PXYLP1: variants seen among roughly 807,000 people sequenced by gnomAD.
PXYLP1 encodes the protein acid phosphatase-like 2.
PXYLP1 carries 17 observed loss-of-function variants against 37.9 expected under a neutral mutation model. That is an observed-to-expected ratio of 0.45 (90% CI 0.31 to 0.67). The LOEUF (loss-of-function observed/expected upper bound fraction) is 0.67. Ranked by LOEUF, PXYLP1 falls within the 30% of genes least tolerant of loss-of-function variation. PXYLP1 has a pLI of 0.07. For synonymous variants in PXYLP1, 221 were observed against 232.2 expected (o/e 0.95, Z 0.44); for missense variants, 511 against 612.0 (o/e 0.84, Z 1.74).
intron 2 of PXYLP1, among the ~76,000 whole-genome samples, chr3:141,267,038 C>T (rs184922464): frequency 1.2e-3 from 190 of 152,128 alleles, no homozygotes; most frequent in Non-Finnish European, 2.0e-3. Context: ...TTTGTGGTTT[C>T]GACTCTTTGC....
chr3:141,293,450 TC>T lies in PXYLP1; in HGVS notation c.*246del, dbSNP rs1344050360. 16 of 510,646 alleles carry T rather than the reference TC, an allele frequency of 3.1e-5. No individual in the cohort carries two copies. Among genetic ancestry groups the T allele is most frequent in the Non-Finnish European group, 4.5e-5 (13 of 290,104 alleles). 31.6% of individuals were successfully genotyped at this position (510,646 alleles called of 1,614,324 possible). ...GAAGGTACTTTATCATAGCCAGACT[TC>T]GCTTAGAATGCCAGAATAATATAGT... On this transcript the variant is annotated 3_prime_UTR_variant, in exon 6 of 6. Coordinates refer to ENST00000286353, the MANE Select transcript of PXYLP1 (RefSeq NM_001037172.3).
intron 2 of PXYLP1, chr3:141,274,561 A>G (rs1323707231): frequency 2.8e-6 from 3 of 1,065,612 alleles, no homozygotes; most frequent in Non-Finnish European, 1.4e-6. Flanking sequence ...AGTGCTCCAC[A>G]TGAGGAGTCA....
At chr3:141,261,290 A>G (rs1941390572) in intron 2 of PXYLP1, among the ~76,000 whole-genome samples, 1 of 152,170 alleles carries the variant, frequency 6.6e-6, no homozygotes, top group Admixed American at 6.5e-5. Context: ...GATAGCTAGG[A>G]CTGGAGGCGT....
At chr3:141,245,283 T>G (rs1323776672) in intron 1 of PXYLP1, among the ~76,000 whole-genome samples, 1 of 152,052 alleles carries the variant, frequency 6.6e-6, no homozygotes, top group Non-Finnish European at 1.5e-5. Flanking sequence ...GCCAGGCTGG[T>G]CTCGAACTCC....
chr3:141,245,589 T>C lies in PXYLP1; in HGVS notation c.-54+13678T>C, dbSNP rs140347716. ...ATTGCAGATCACCTGGAGTGTTTTT[T>C]ATTTTAGTTTATTTGTGTCTTTGAT... On this transcript the variant is annotated intron_variant, in intron 1 of 5. Transcript: ENST00000286353. Among the ~76,000 whole-genome samples, 349 of 152,340 alleles carry C rather than the reference T, an allele frequency of 2.3e-3. 2 individuals carry two copies. The highest frequency in any genetic ancestry group is 8.0e-3 in the African/African-American group (333 of 41,576).
At chr3:141,263,242 A>G (rs1351905464) in intron 2 of PXYLP1, among the ~76,000 whole-genome samples, 1 of 152,198 alleles carries the variant, frequency 6.6e-6, no homozygotes, top group Non-Finnish European at 1.5e-5. Flanking sequence ...TACACTGTGG[A>G]AGTGGAGGTA....
Position 141,293,266 on chromosome 3 carries a change from T to C in PXYLP1, c.*61T>C. ...ATACAGAGCATAGGGAAAGGTCCAC[T>C]TCTAGTTTTGTCTGTTACTAAGGGT... On this transcript the variant is annotated 3_prime_UTR_variant, in exon 6 of 6. Transcript: ENST00000286353. 1 of 1,482,110 alleles carries C rather than the reference T, an allele frequency of 6.7e-7. No homozygotes were observed. The highest frequency in any genetic ancestry group is 9.1e-7 in the Non-Finnish European group (1 of 1,099,522). 91.8% of individuals were successfully genotyped at this position (1,482,110 alleles called of 1,614,324 possible).
intron 1 of PXYLP1, among the ~76,000 whole-genome samples, chr3:141,254,065 C>T (rs1941203792): frequency 6.6e-6 from 1 of 152,102 alleles, no homozygotes; most frequent in Non-Finnish European, 1.5e-5. Context: ...GTGTATACCA[C>T]TATGCCCGAC....
intron 2 of PXYLP1, among the ~76,000 whole-genome samples, chr3:141,270,968 G>A (rs1355580735): frequency 6.6e-6 from 1 of 152,170 alleles, no homozygotes; most frequent in East Asian, 1.9e-4. Flanking sequence ...AGGGCTCACT[G>A]CAGCCCCGAA....
At chr3:141,244,891 G>T (rs544060733) in intron 1 of PXYLP1, among the ~76,000 whole-genome samples, 1 of 151,718 alleles carries the variant, frequency 6.6e-6, no homozygotes, top group Non-Finnish European at 1.5e-5. Flanking sequence ...TTTTGGTGGA[G>T]ACCACCATTT....
intron 1 of PXYLP1, among the ~76,000 whole-genome samples, chr3:141,255,941 G>A (rs534091839): frequency 1.2e-4 from 18 of 152,200 alleles, no homozygotes; most frequent in Non-Finnish European, 2.1e-4. Flanking sequence ...GCAAGGCAGG[G>A]ACACAACAGC....
chr3:141,249,166 T>G (rs1941084161), intron 1 of PXYLP1, among the ~76,000 whole-genome samples: 3 of 152,184 alleles, frequency 2.0e-5, no homozygotes, highest in Admixed American at 2.0e-4. Context: ...GCACTGGCAG[T>G]GATAACAAGC....
At chr3:141,286,240 A>T (rs1942072247) in intron 4 of PXYLP1, among the ~76,000 whole-genome samples, 1 of 152,232 alleles carries the variant, frequency 6.6e-6, no homozygotes, top group Admixed American at 6.5e-5. Flanking sequence ...GGGTAATTGT[A>T]TATTAGTGAC....
At chr3:141,283,536 A>G (rs1942003059) in intron 4 of PXYLP1, among the ~76,000 whole-genome samples, 2 of 152,190 alleles carry the variant, frequency 1.3e-5, no homozygotes, top group Admixed American at 1.3e-4. Flanking sequence ...ATGAGAGCTA[A>G]GGAAAGCAGG....
chr3:141,271,650 A>G (rs1198118782), intron 2 of PXYLP1, among the ~76,000 whole-genome samples: 1 of 152,192 alleles, frequency 6.6e-6, no homozygotes, highest in East Asian at 1.9e-4. Flanking sequence ...GTATCTGTGT[A>G]ATCAGAAGAA....
rs544989920 is a variant in PXYLP1, at chr3:141,294,215, C to A, written c.*1010C>A. ...AGACCAGTTTTAGATGACTCTTATT[C>A]CTGTAGTAATATTCAATTTGCTGTA... is the stretch of plus-strand genomic sequence containing the variant. On this transcript the variant is annotated 3_prime_UTR_variant, in exon 6 of 6. Coordinates refer to ENST00000286353, the MANE Select transcript of PXYLP1 (RefSeq NM_001037172.3). 60 of 152,218 alleles carry A rather than the reference C, an allele frequency of 3.9e-4. No homozygotes were observed. The highest frequency in any genetic ancestry group is 1.4e-3 in the African/African-American group (58 of 41,536). 9.4% of individuals were successfully genotyped at this position (152,218 alleles called of 1,614,324 possible).
At chr3:141,233,463 CAAAAAAA>C (rs5853024) in intron 1 of PXYLP1, among the ~76,000 whole-genome samples, 4 of 79,390 alleles carry the variant, frequency 5.0e-5, no homozygotes, top group South Asian at 4.7e-4. Context: ...AAAACCCTGT[CAAAAAAA>C]AAAAAAAAAA....
At chr3:141,287,602 T>A in intron 5 of PXYLP1, 149 bp downstream of exon 5, 2 of 740,858 alleles carry the variant, frequency 2.7e-6, no homozygotes, top group Non-Finnish European at 3.9e-6. Flanking sequence ...CCAGGGCCTC[T>A]AAATAAACAT....
chr3:141,265,787 A>G (rs1260873624), intron 2 of PXYLP1, among the ~76,000 whole-genome samples: 1 of 152,214 alleles, frequency 6.6e-6, no homozygotes, highest in Non-Finnish European at 1.5e-5. Flanking sequence ...CATAGGTGGA[A>G]GTAAATTCTC....
Sources: gnomAD v4.1 joint callset for allele counts (sites outside exome capture counted in the v4.1 genomes callset) on GRCh38, gnomAD v4.1.1 for gene constraint, MANE v1.5 for transcripts, NCBI Gene and HGNC (gene_info 2026-07-23, HGNC 2026-07-21) for gene names.